PHACTR1: variants seen among roughly 807,000 people sequenced by gnomAD.
PHACTR1 encodes the protein RPEL repeat containing 1.
PHACTR1 carries 16 observed loss-of-function variants against 69.2 expected under a neutral mutation model. The ratio of observed to expected loss-of-function variants is 0.23; its 90% CI spans 0.16 to 0.35. PHACTR1 has a LOEUF of 0.35. PHACTR1 is among the 10% of genes least tolerant of loss of function. The pLI, the probability that PHACTR1 is intolerant of heterozygous loss-of-function variation, is 1.00. For missense variants in PHACTR1, 510 were observed against 734.7 expected (o/e 0.69, Z 3.54); for synonymous variants, 312 against 284.5 (o/e 1.10, Z -0.97).
intron 4 of PHACTR1, among the ~76,000 whole-genome samples, chr6:12,950,438 TCCA>T (rs1791152226): frequency 6.6e-6 from 1 of 152,204 alleles, no homozygotes; most frequent in Non-Finnish European, 1.5e-5. Flanking sequence ...GGAATTAGAT[TCCA>T]CCACTTGATG....
At chr6:12,791,636 C>T (rs1295515654) in intron 4 of PHACTR1, among the ~76,000 whole-genome samples, 3 of 152,180 alleles carry the variant, frequency 2.0e-5, no homozygotes, top group Non-Finnish European at 4.4e-5. Context: ...CACTGCTCTA[C>T]GACTCACCTT....
chr6:12,769,032 A>T (rs1399051750), intron 4 of PHACTR1, among the ~76,000 whole-genome samples: 1 of 152,110 alleles, frequency 6.6e-6, no homozygotes, highest in Non-Finnish European at 1.5e-5. Flanking sequence ...ATTAGCAGAG[A>T]GTGGAATGGT....
chr6:12,801,663 G>T (rs1454628597), intron 4 of PHACTR1, among the ~76,000 whole-genome samples: 1 of 152,130 alleles, frequency 6.6e-6, no homozygotes, highest in African/African-American at 2.4e-5. Flanking sequence ...AAGCTGTAAG[G>T]CATCTTAGAG....
chr6:13,279,017 T>A (rs1436396229), intron 12 of PHACTR1, among the ~76,000 whole-genome samples: 1 of 135,098 alleles, frequency 7.4e-6, no homozygotes, highest in Non-Finnish European at 1.6e-5. Context: ...GCTATGACCC[T>A]GGGAAAGTAT....
At chr6:12,805,577 T>TTCTCTCTC (rs771502790) in intron 4 of PHACTR1, among the ~76,000 whole-genome samples, 24 of 151,890 alleles carry the variant, frequency 1.6e-4, no homozygotes, top group South Asian at 4.2e-4. Flanking sequence ...CTTTCTTTCT[T>TTCTCTCTC]TCTCTCTCTC....
Position 13,227,880 on chromosome 6 carries a change from G to T in PHACTR1, c.1051G>T (p.Val351Phe), listed in dbSNP as rs767023623. 8 of 1,614,012 alleles carry T rather than the reference G, an allele frequency of 5.0e-6. No homozygotes were observed. The highest frequency in any genetic ancestry group is 2.2e-5 in the East Asian group (1 of 44,890). ...CTCTGGGTTGCACTCGGGTGATGGG[G>T]TCACCAAAGCAGGACCTATGGGCCT... The part of the protein sequence containing the change: ...HSSGLHSGDG[V>F]TKAGPMGLPE... Residue 351 changes from valine (V) to phenylalanine (F), a missense_variant, in exon 9 of 15, where the codon GTC (valine) becomes TTC (phenylalanine). Val to Phe is a conservative substitution (Grantham distance 50, BLOSUM62 -1). Coordinates refer to ENST00000332995, the MANE Select transcript of PHACTR1 (RefSeq NM_030948.6).
chr6:13,083,313 T>C (rs1483028857), intron 5 of PHACTR1, among the ~76,000 whole-genome samples: 3 of 152,150 alleles, frequency 2.0e-5, no homozygotes, highest in African/African-American at 7.2e-5. Flanking sequence ...TATCTCTGTT[T>C]TGGTACCAGT....
intron 5 of PHACTR1, among the ~76,000 whole-genome samples, chr6:13,114,009 G>A (rs767723421): frequency 2.6e-5 from 4 of 152,014 alleles, no homozygotes; most frequent in African/African-American, 9.7e-5. Context: ...AAACATAAAG[G>A]TCTGCAAAAA....
intron 5 of PHACTR1, among the ~76,000 whole-genome samples, chr6:13,153,072 T>G (rs1757668597): frequency 1.3e-5 from 2 of 152,156 alleles, no homozygotes; most frequent in Admixed American, 1.3e-4. Context: ...CTGAATAGAT[T>G]CATTTGGATG....
intron 3 of PHACTR1, among the ~76,000 whole-genome samples, chr6:12,740,128 C>T (rs1205796472): frequency 2.0e-5 from 3 of 152,068 alleles, no homozygotes; most frequent in Non-Finnish European, 4.4e-5. Context: ...GACATCATAT[C>T]TAAGAGATTC....
chr6:13,206,892 G>T (rs755330439), intron 8 of PHACTR1, among the ~76,000 whole-genome samples: 1 of 152,078 alleles, frequency 6.6e-6, no homozygotes, highest in South Asian at 2.1e-4. Flanking sequence ...GGGAGAACGT[G>T]CAGACTCCAC....
At chr6:13,208,911 C>G (rs1032101493) in intron 8 of PHACTR1, among the ~76,000 whole-genome samples, 1 of 152,122 alleles carries the variant, frequency 6.6e-6, no homozygotes, top group Non-Finnish European at 1.5e-5. Flanking sequence ...AGCATGATCT[C>G]GGCAGCAGAG....
At chr6:13,286,078 T>C (rs971443682) in intron 13 of PHACTR1, 68 bp from the exon 14 acceptor site, 2 of 1,302,994 alleles carry the variant, frequency 1.5e-6, no homozygotes, top group African/African-American at 3.0e-5. Flanking sequence ...TTGTTAGGAA[T>C]GAACTGAAAG....
chr6:13,179,641 G>GC lies in PHACTR1; in HGVS notation c.497-2878_497-2877insC, dbSNP rs1483408471. ...TAGATATGTATACACATATATGGAT[G>GC]GATGGGTGGTTGATAGGTAGGAAGA... On this transcript the variant is annotated intron_variant, in intron 6 of 14. Coordinates refer to ENST00000332995, the MANE Select transcript of PHACTR1 (RefSeq NM_030948.6). The surrounding 1 kb of genome is among the most constrained non-coding windows in gnomAD (Gnocchi z 4.2). 6.6e-6 allele frequency among the ~76,000 whole-genome samples: 1 copy of GC among 151,946 alleles called. No homozygotes were observed. The highest frequency in any genetic ancestry group is 1.5e-5 in the Non-Finnish European group (1 of 68,002).
chr6:12,779,628 TG>T (rs1010846574), intron 4 of PHACTR1, among the ~76,000 whole-genome samples: 20 of 152,258 alleles, frequency 1.3e-4, no homozygotes, highest in African/African-American at 4.8e-4. Context: ...TTAACCCATT[TG>T]GTGTAATTGA....
At position 12,985,910 on chromosome 6, in the gene PHACTR1, A is replaced by C. The variant is rs1016596698; in HGVS notation, c.251-67455A>C. On this transcript the variant is annotated intron_variant, in intron 4 of 14. Transcript: ENST00000332995. ...GAGTGCAATGGCACTATCTCAGCCC[A>C]CTGCAACCTCCGTCTCCCAGGTTCA... Among the ~76,000 whole-genome samples the C allele has an allele frequency of 6.6e-4, 100 of 151,270 alleles. 2 individuals are homozygous for C. The highest frequency in any genetic ancestry group is 6.1e-3 in the Admixed American group (93 of 15,134).
chr6:13,239,804 A>C (rs1772554860), intron 10 of PHACTR1, among the ~76,000 whole-genome samples: 1 of 151,856 alleles, frequency 6.6e-6, no homozygotes. Context: ...CTGAGCCTCG[A>C]CTCTGTGTGT....
At position 13,100,945 on chromosome 6, in the gene PHACTR1, T is replaced by TA. The variant is rs1241887796; in HGVS notation, c.415+47419dup. 4.6e-5 allele frequency among the ~76,000 whole-genome samples: 7 copies of TA among 152,308 alleles called. No homozygotes were observed. In the East Asian group the frequency reaches 1.4e-3, roughly 29 times the overall value. On this transcript the variant is annotated intron_variant, in intron 5 of 14. Transcript: ENST00000332995. The stretch of plus-strand genomic sequence containing the variant: ...TAGTATACAGTACATTAGAATTTCT[T>TA]AAAGATTTTGTTAAAACTGATGTTC...
chr6:12,912,004 GTTTA>G (rs1429932572), intron 4 of PHACTR1, among the ~76,000 whole-genome samples: 1 of 152,124 alleles, frequency 6.6e-6, no homozygotes, highest in Non-Finnish European at 1.5e-5. Flanking sequence ...TTGTTTGTTT[GTTTA>G]TTTATTTGAG....
Sources: gnomAD v4.1 joint callset for allele counts (sites outside exome capture counted in the v4.1 genomes callset) on GRCh38, gnomAD v4.1.1 for gene constraint, Gnocchi (gnomAD v3.1) non-coding constraint, MANE v1.5 for transcripts, NCBI Gene and HGNC (gene_info 2026-07-23, HGNC 2026-07-21) for gene names.